PLD5: variants seen among roughly 807,000 people sequenced by gnomAD.
The protein encoded by PLD5 is phospholipase D family member 5.
Under a neutral mutation model 61.1 loss-of-function variants are expected in PLD5, and 36 were observed. The ratio of observed to expected loss-of-function variants is 0.59; its 90% CI spans 0.45 to 0.78. The LOEUF is 0.78. Among genes scored for constraint, PLD5 ranks in the 30% least tolerant of loss-of-function variants. The probability of loss-of-function intolerance (pLI) is 0.00; values close to 1 mark genes in which losing one functional copy is unlikely to be tolerated. For missense variants in PLD5, 515 were observed against 644.4 expected, an observed-to-expected ratio of 0.80 and a Z score of 2.17; for synonymous variants, 243 against 242.8, an observed-to-expected ratio of 1.00 and a Z score of -0.01.
chr1:242,288,313 G>A, intron 3 of PLD5, 49 bp downstream of exon 3: 2 of 1,588,454 alleles, frequency 1.3e-6, no homozygotes, highest in Non-Finnish European at 1.7e-6. Flanking sequence ...CTAAGGAGTG[G>A]AAAATGCACA....
At chr1:242,386,781 A>C (rs1662627064) in intron 1 of PLD5, among the ~76,000 whole-genome samples, 1 of 152,228 alleles carries the variant, frequency 6.6e-6, no homozygotes, top group Non-Finnish European at 1.5e-5. Flanking sequence ...ATTTGAATAT[A>C]GACTGAATAT....
chr1:242,399,271 G>A (rs146967125), intron 1 of PLD5, among the ~76,000 whole-genome samples: 1 of 152,332 alleles, frequency 6.6e-6, no homozygotes, highest in East Asian at 1.9e-4. Context: ...CACTGTACCA[G>A]AGGTTTTCTC....
At chr1:242,295,499 T>C (rs552053929) in intron 2 of PLD5, among the ~76,000 whole-genome samples, 1 of 152,364 alleles carries the variant, frequency 6.6e-6, no homozygotes, top group African/African-American at 2.4e-5. Context: ...TTTGTAGTAT[T>C]GCATGGTGTA....
At chr1:242,384,221 A>T (rs1662466143) in intron 1 of PLD5, among the ~76,000 whole-genome samples, 1 of 152,222 alleles carries the variant, frequency 6.6e-6, no homozygotes, top group African/African-American at 2.4e-5. Context: ...GAGTTAGAAG[A>T]AAACGCACCA....
intron 4 of PLD5, among the ~76,000 whole-genome samples, chr1:242,247,737 C>A (rs1049314739): frequency 6.6e-6 from 1 of 152,172 alleles, no homozygotes; most frequent in Non-Finnish European, 1.5e-5. Context: ...TGGGATTTTA[C>A]TTCTAGTTTA....
chr1:242,144,235 C>A (rs1246517296), intron 5 of PLD5, among the ~76,000 whole-genome samples: 1 of 140,116 alleles, frequency 7.1e-6, no homozygotes, highest in East Asian at 2.0e-4. Context: ...GGAGCCACCA[C>A]ACCCAGCCTC....
At chr1:242,423,790 C>T (rs1158687657) in intron 1 of PLD5, among the ~76,000 whole-genome samples, 1 of 152,142 alleles carries the variant, frequency 6.6e-6, no homozygotes. Flanking sequence ...ATATTCACTG[C>T]TCCCCCTCCA....
At chr1:242,398,983 G>A (rs1184277223) in intron 1 of PLD5, among the ~76,000 whole-genome samples, 1 of 152,136 alleles carries the variant, frequency 6.6e-6, no homozygotes, top group African/African-American at 2.4e-5. Context: ...TCAATCCAAG[G>A]AAGATGACAC....
At chr1:242,302,060 C>T (rs978612088) in intron 2 of PLD5, among the ~76,000 whole-genome samples, 12 of 152,280 alleles carry the variant, frequency 7.9e-5, no homozygotes, top group East Asian at 1.9e-4. Flanking sequence ...GGATTACAGG[C>T]GTAAGCCACT....
intron 2 of PLD5, among the ~76,000 whole-genome samples, chr1:242,316,058 T>TCC (rs1281558390): frequency 5.3e-5 from 8 of 152,168 alleles, no homozygotes; most frequent in African/African-American, 1.9e-4. Context: ...TATACCTGTT[T>TCC]CCTCGTGTGG....
chr1:242,528,999 T>C (rs1012807791), upstream of PLD5, among the ~76,000 whole-genome samples: 9 of 152,212 alleles, frequency 5.9e-5, no homozygotes, highest in African/African-American at 2.2e-4. Flanking sequence ...CCTTATACTA[T>C]ACAAGACCAC....
intron 1 of PLD5, among the ~76,000 whole-genome samples, chr1:242,457,887 C>T (rs1352072832): frequency 6.6e-6 from 1 of 152,186 alleles, no homozygotes; most frequent in Non-Finnish European, 1.5e-5. Context: ...GGGATGGACG[C>T]TCCTATCGAG....
At chr1:242,185,298 AAC>A (rs1276214500) in intron 5 of PLD5, among the ~76,000 whole-genome samples, 41 of 152,270 alleles carry the variant, frequency 2.7e-4, no homozygotes, top group African/African-American at 9.1e-4. Context: ...CAACAACAAC[AAC>A]AAGAAACTAA....
intron 5 of PLD5, among the ~76,000 whole-genome samples, chr1:242,217,236 A>G (rs77150939): frequency 0.17 from 25,560 of 152,232 alleles, 2,462 homozygotes; most frequent in Middle Eastern, 0.24. Flanking sequence ...TTGGAAGGCT[A>G]TATAGCTACC....
chr1:242,480,619 A>G lies in PLD5; in HGVS notation c.189+43469T>C, dbSNP rs573811643. 2.0e-5 allele frequency among the ~76,000 whole-genome samples: 3 copies of G among 152,358 alleles called. No homozygotes were observed. The South Asian group carries it at 6.2e-4, about 32-fold the overall frequency. ...TATATATAGCTGACAAGAGTTTTATATCTAAATGTAGAAAGATCTCTTAAT... is the reference window on the plus strand; with the variant it reads ...TATATATAGCTGACAAGAGTTTTATGTCTAAATGTAGAAAGATCTCTTAAT... On this transcript the variant is annotated intron_variant, in intron 1 of 9. Transcript: ENST00000536534.
At chr1:242,314,568 A>G (rs995627343) in intron 2 of PLD5, among the ~76,000 whole-genome samples, 1 of 152,076 alleles carries the variant, frequency 6.6e-6, no homozygotes, top group Non-Finnish European at 1.5e-5. Context: ...ATGTGTTTCC[A>G]TGGCAGACTA....
chr1:242,457,446 G>A (rs374492073), intron 1 of PLD5, among the ~76,000 whole-genome samples: 3 of 152,118 alleles, frequency 2.0e-5, no homozygotes, highest in South Asian at 2.1e-4. Context: ...ACAGTAAACC[G>A]AGGAAGAGAA....
Position 242,089,457 on chromosome 1 carries a change from C to A in PLD5, c.*397G>T, listed in dbSNP as rs1659642238. 2.3e-6 allele frequency: 1 copy of A among 427,392 alleles called. No homozygotes were observed. The highest frequency in any genetic ancestry group is 4.1e-6 in the Non-Finnish European group (1 of 243,360). 26.5% of individuals were successfully genotyped at this position (427,392 alleles called of 1,614,324 possible). A position where few individuals can be genotyped will look rare whatever the true frequency, so the allele number is the denominator to read the frequency against. ...ATCAGTCTCTTCTCCAAGGCAAAAT[C>A]CTCACCTTCCTCTCTAAATCAACAG... On this transcript the variant is annotated 3_prime_UTR_variant, in exon 10 of 10. Coordinates refer to ENST00000536534, the MANE Select transcript of PLD5 (RefSeq NM_001372062.1).
chr1:242,297,621 CTTTTTTTTT>C (rs56851216), intron 2 of PLD5, among the ~76,000 whole-genome samples: 15 of 107,210 alleles, frequency 1.4e-4, no homozygotes, highest in African/African-American at 5.0e-4. Flanking sequence ...ATTCATGTTT[CTTTTTTTTT>C]TTTTTTTTTT....
Sources: gnomAD v4.1 joint callset for allele counts (sites outside exome capture counted in the v4.1 genomes callset) on GRCh38, gnomAD v4.1.1 for gene constraint, MANE v1.5 for transcripts, NCBI Gene and HGNC (gene_info 2026-07-23, HGNC 2026-07-21) for gene names.